Variants in ZC3H12B observed in about 807,000 individuals in gnomAD.
ZC3H12B encodes the protein probable ribonuclease ZC3H12B.
Under a neutral mutation model 43.9 loss-of-function variants are expected in ZC3H12B, and 7 were observed. The ratio of observed to expected loss-of-function variants is 0.16; its 90% CI spans 0.09 to 0.30. ZC3H12B has a LOEUF of 0.30. Ranked by LOEUF, ZC3H12B falls within the 10% of genes least tolerant of loss-of-function variation. The pLI, the probability that ZC3H12B is intolerant of heterozygous loss-of-function variation, is 1.00. For missense variants in ZC3H12B, 475 were observed against 670.2 expected, an observed-to-expected ratio of 0.71 and a Z score of 3.22; for synonymous variants, 222 against 241.7, an observed-to-expected ratio of 0.92 and a Z score of 0.76.
intron 2 of ZC3H12B, among the ~76,000 whole-genome samples, chrX:65,389,572 C>A (rs1480107525): frequency 8.9e-6 from 1 of 112,815 alleles, no homozygotes; most frequent in East Asian, 2.8e-4. Flanking sequence ...TTCCCTGACC[C>A]GTTGTGCTTC....
At chrX:65,246,737 C>A in the ZC3H12B span, among the ~76,000 whole-genome samples, 3 of 112,204 alleles carry the variant, frequency 2.7e-5, no homozygotes, top group African/African-American at 9.7e-5. Flanking sequence ...CTTCCTTACA[C>A]CATATACAAA....
At chrX:65,426,313 A>T (rs767325405) in intron 3 of ZC3H12B, among the ~76,000 whole-genome samples, 2 of 94,842 alleles carry the variant, frequency 2.1e-5, no homozygotes, top group Non-Finnish European at 4.1e-5. Context: ...TATCCCCCTT[A>T]TCATTTCTGT....
the ZC3H12B span, among the ~76,000 whole-genome samples, chrX:65,203,164 C>T: frequency 8.9e-6 from 1 of 111,978 alleles, no homozygotes; most frequent in African/African-American, 3.2e-5. Flanking sequence ...TCAGGGCATG[C>T]CAGAAATGCC....
At chrX:65,175,894 C>A in the ZC3H12B span, among the ~76,000 whole-genome samples, 3 of 112,473 alleles carry the variant, frequency 2.7e-5, no homozygotes, top group East Asian at 8.4e-4. Flanking sequence ...TTTGTAACCA[C>A]AGACCAGGAG....
intron 3 of ZC3H12B, among the ~76,000 whole-genome samples, chrX:65,425,041 T>C (rs1016799324): frequency 8.9e-6 from 1 of 112,168 alleles, no homozygotes; most frequent in Non-Finnish European, 1.9e-5. Flanking sequence ...ATTGACTCTA[T>C]AAAATGCTTT....
the ZC3H12B span, among the ~76,000 whole-genome samples, chrX:65,286,624 A>G: frequency 4.1e-3 from 458 of 111,227 alleles, 2 homozygotes; most frequent in Non-Finnish European, 6.5e-3. Context: ...CACGTATATA[A>G]TACATACCTA....
the ZC3H12B span, among the ~76,000 whole-genome samples, chrX:65,057,147 G>T: frequency 1.8e-5 from 2 of 111,702 alleles, no homozygotes; most frequent in South Asian, 3.7e-4. Context: ...TGGTTATTTT[G>T]TTCATTAGTT....
the ZC3H12B span, among the ~76,000 whole-genome samples, chrX:65,145,197 T>C: frequency 9.1e-6 from 1 of 109,998 alleles, no homozygotes; most frequent in East Asian, 2.9e-4. Context: ...ATTTTCCTGT[T>C]GGACAAGGCC....
the ZC3H12B span, among the ~76,000 whole-genome samples, chrX:65,181,198 A>T: frequency 5.4e-5 from 6 of 112,103 alleles, no homozygotes; most frequent in Non-Finnish European, 9.4e-5. Context: ...CTGGCTAGCT[A>T]TATGCAGAAA....
At chrX:65,296,974 A>G in the ZC3H12B span, among the ~76,000 whole-genome samples, 1 of 111,957 alleles carries the variant, frequency 8.9e-6, no homozygotes, top group South Asian at 3.7e-4. Context: ...AACCCTCAGC[A>G]ATGACATCAT....
the ZC3H12B span, among the ~76,000 whole-genome samples, chrX:65,248,512 G>T: frequency 8.0e-5 from 9 of 111,960 alleles, no homozygotes; most frequent in African/African-American, 2.6e-4. Flanking sequence ...TTTATTCAGT[G>T]CTTATGATAC....
chrX:65,227,161 A>G, the ZC3H12B span, among the ~76,000 whole-genome samples: 3 of 111,947 alleles, frequency 2.7e-5, no homozygotes, highest in Admixed American at 9.5e-5. Flanking sequence ...ATGTAAAATA[A>G]CAGAAATTAT....
chrX:65,228,260 T>A, the ZC3H12B span, among the ~76,000 whole-genome samples: 1 of 111,952 alleles, frequency 8.9e-6, no homozygotes, highest in Admixed American at 9.5e-5. Context: ...ATCCAGCATA[T>A]AAACAGAAAC....
chrX:65,268,763 G>A, the ZC3H12B span, among the ~76,000 whole-genome samples: 16 of 111,400 alleles, frequency 1.4e-4, no homozygotes, highest in Non-Finnish European at 1.9e-4. Context: ...CATAATAAAG[G>A]CCATATATGA....
At chrX:65,135,425 T>C in the ZC3H12B span, among the ~76,000 whole-genome samples, 1 of 110,441 alleles carries the variant, frequency 9.1e-6, no homozygotes, top group Admixed American at 9.6e-5. Context: ...CCTTCATTCA[T>C]TCTTTTGGAC....
chrX:65,245,184 C>A, the ZC3H12B span, among the ~76,000 whole-genome samples: 1 of 111,663 alleles, frequency 9.0e-6, no homozygotes, highest in Non-Finnish European at 1.9e-5. Context: ...CCTCCCAAGA[C>A]TAAACCAGGG....
At chrX:65,058,190 G>GT in the ZC3H12B span, among the ~76,000 whole-genome samples, 20 of 111,295 alleles carry the variant, frequency 1.8e-4, no homozygotes, top group East Asian at 3.4e-3. Flanking sequence ...TTTCTGCTCT[G>GT]TTTTTTTCCC....
At chrX:65,160,850 G>T in the ZC3H12B span, among the ~76,000 whole-genome samples, 438 of 111,082 alleles carry the variant, frequency 3.9e-3, 1 homozygote, top group Non-Finnish European at 6.7e-3. Context: ...TAATTGTGAT[G>T]TTAAAGTGTC....
chrX:65,269,377 G>A, the ZC3H12B span, among the ~76,000 whole-genome samples: 2 of 107,256 alleles, frequency 1.9e-5, no homozygotes. Context: ...AAAAAAAAAA[G>A]GAAAGAAAGA....
Sources: gnomAD v4.1 joint callset for allele counts (sites outside exome capture counted in the v4.1 genomes callset) on GRCh38, gnomAD v4.1.1 for gene constraint, MANE v1.5 for transcripts, NCBI Gene and HGNC (gene_info 2026-07-23, HGNC 2026-07-21) for gene names.